Variants in CUBN observed in about 807,000 individuals in gnomAD.
The protein encoded by CUBN is cubilin, also known as 460 kDa receptor.
Under a neutral mutation model 405.3 loss-of-function variants are expected in CUBN, and 282 were observed. The ratio of observed to expected loss-of-function variants is 0.70; its 90% CI spans 0.63 to 0.77. The LOEUF is 0.77. Among genes scored for constraint, CUBN ranks in the 30% least tolerant of loss-of-function variants. The pLI is 0.00. For synonymous variants in CUBN, 1,684 were observed against 1,617.0 expected, an observed-to-expected ratio of 1.04 and a Z score of -0.99; for missense variants, 4,514 against 4,475.2, an observed-to-expected ratio of 1.01 and a Z score of -0.25.
chr10:16,967,795 C>T (rs78044804), intron 31 of CUBN, among the ~76,000 whole-genome samples: 8,496 of 113,182 alleles, frequency 0.075, 350 homozygotes, highest in Non-Finnish European at 0.11. Context: ...GAAGGAGAGA[C>T]GGAGAGAGAA....
At chr10:16,999,713 T>C (rs1833827667) in intron 28 of CUBN, among the ~76,000 whole-genome samples, 1 of 152,222 alleles carries the variant, frequency 6.6e-6, no homozygotes, top group South Asian at 2.1e-4. Flanking sequence ...ATGTTCTCTG[T>C]AGGCAGTTTC....
chr10:16,876,350 A>G (rs1840499217), intron 57 of CUBN, among the ~76,000 whole-genome samples: 2 of 152,174 alleles, frequency 1.3e-5, no homozygotes, highest in African/African-American at 4.8e-5. Context: ...TGTCCAGTCT[A>G]TTGCTCCTCT....
intron 46 of CUBN, among the ~76,000 whole-genome samples, chr10:16,915,463 C>T (rs191300731): frequency 7.0e-4 from 106 of 152,248 alleles, no homozygotes; most frequent in African/African-American, 2.2e-3. Context: ...CAAGTATCTG[C>T]CTTATGCTAC....
chr10:16,882,132 T>G (rs1045612431), intron 56 of CUBN, among the ~76,000 whole-genome samples: 1 of 152,140 alleles, frequency 6.6e-6, no homozygotes, highest in Non-Finnish European at 1.5e-5. Context: ...AAGATGGATA[T>G]CACAGTTGAG....
intron 33 of CUBN, among the ~76,000 whole-genome samples, chr10:16,951,665 C>T (rs1208733795): frequency 1.3e-5 from 2 of 152,088 alleles, no homozygotes; most frequent in East Asian, 3.9e-4. Context: ...GGACTGTTAC[C>T]AGGTCAGAAA....
intron 41 of CUBN, 108 bp from the exon 42 acceptor site, chr10:16,925,882 C>T: frequency 1.0e-6 from 1 of 958,726 alleles, no homozygotes; most frequent in Non-Finnish European, 1.7e-6. Context: ...AATAAAAATG[C>T]TTGAAAATAA....
At chr10:16,946,571 C>G (rs1842789768) in intron 36 of CUBN, among the ~76,000 whole-genome samples, 1 of 150,006 alleles carries the variant, frequency 6.7e-6, no homozygotes, top group Admixed American at 6.7e-5. Flanking sequence ...TCTCAGTGCA[C>G]CACAACCTCC....
intron 14 of CUBN, among the ~76,000 whole-genome samples, chr10:17,095,468 G>A (rs1836352723): frequency 6.6e-6 from 1 of 151,922 alleles, no homozygotes; most frequent in Non-Finnish European, 1.5e-5. Flanking sequence ...TTTCTGAATA[G>A]AAAACATATA....
At chr10:17,079,246 T>TC (rs1042667053) in intron 17 of CUBN, among the ~76,000 whole-genome samples, 3 of 150,638 alleles carry the variant, frequency 2.0e-5, no homozygotes, top group African/African-American at 7.3e-5. Flanking sequence ...TTTTTTTTTT[T>TC]TTTTTTTTAG....
chr10:16,918,843 G>A, intron 44 of CUBN, 43 bp from the exon 45 acceptor site: 2 of 1,547,720 alleles, frequency 1.3e-6, no homozygotes, highest in South Asian at 1.1e-5. Flanking sequence ...ATGGTCAGAT[G>A]CTTATTTTGA....
Position 16,947,303 on chromosome 10 carries a change from A to G in CUBN, c.5274T>C (p.Tyr1758=). The G allele has an allele frequency of 3.1e-6, 5 of 1,614,054 alleles. No homozygotes were observed. Among genetic ancestry groups the G allele is most frequent in the Non-Finnish European group, 4.2e-6 (5 of 1,179,916 alleles). Reference sequence around the variant, plus strand: ...TCCAGACACATTCCACATTAGGGGGATAAATGTCTGGGTAGCCAGGGCTGT... The same window carrying G: ...TCCAGACACATTCCACATTAGGGGGGTAAATGTCTGGGTAGCCAGGGCTGT... ...IFNSPGYPDI[Y]PPNVECVWNI... Residue 1758 remains tyrosine, a synonymous_variant, in exon 36 of 67, where the codon TAT becomes TAC. Coordinates refer to ENST00000377833, the MANE Select transcript of CUBN (RefSeq NM_001081.4).
Position 16,888,531 on chromosome 10 carries a change from T to A in CUBN, c.8791A>T (p.Ile2931Phe). 2 of 1,613,766 alleles carry A rather than the reference T, an allele frequency of 1.2e-6. No individual in the cohort carries two copies. The highest frequency in any genetic ancestry group is 2.2e-5 in the South Asian group (2 of 91,074). Residue 2931 changes from isoleucine (I) to phenylalanine (F), a missense_variant, in exon 56 of 67, where the codon ATC (isoleucine) becomes TTC (phenylalanine). This residue lies in a region of CUBN where 1,186 missense variants were observed against 1,186.9 expected (regional missense o/e 1.00). Coordinates refer to ENST00000377833, the MANE Select transcript of CUBN (RefSeq NM_001081.4). ...TGTTTTGGGTAATTTGGAGAAATGATGTAACCTGAAGGGCCAGTGAAATTA... is the reference window on the plus strand; with the variant it reads ...TGTTTTGGGTAATTTGGAGAAATGAAGTAACCTGAAGGGCCAGTGAAATTA... ...GSNFTGPSGYIISPNYPKQYD... is the reference protein window; with the variant it reads ...GSNFTGPSGYFISPNYPKQYD...
chr10:16,988,855 T>C (rs2942366), intron 29 of CUBN, among the ~76,000 whole-genome samples: 66,830 of 152,004 alleles, frequency 0.44, 16,399 homozygotes, highest in Non-Finnish European at 0.55. Context: ...AGCCCATTAA[T>C]CTTTTTGAGC....
chr10:16,924,572 T>C (rs1468534571), intron 43 of CUBN, among the ~76,000 whole-genome samples: 3 of 152,126 alleles, frequency 2.0e-5, no homozygotes, highest in Non-Finnish European at 4.4e-5. Flanking sequence ...ATTATCTAAC[T>C]TCTGGTGGGA....
chr10:16,952,821 T>C (rs962685477), intron 32 of CUBN, among the ~76,000 whole-genome samples: 5 of 152,144 alleles, frequency 3.3e-5, no homozygotes, highest in Non-Finnish European at 7.4e-5. Context: ...CAAAATTCGA[T>C]GTGAGTCTTG....
In CUBN at chr10:16,831,320, AG is replaced by A. The variant is rs1274973836; in HGVS notation, c.10459del (p.Leu3487TyrfsTer8). On this transcript the variant is annotated frameshift_variant, in exon 65 of 67. Transcript: ENST00000377833. LOFTEE classifies it high-confidence loss of function. ...AGTTACACTATCACTCTTAAATCGTAGGTATAGTTCATTATTTTGAGAGAAG... is the reference window on the plus strand; with the variant it reads ...AGTTACACTATCACTCTTAAATCGTAGTATAGTTCATTATTTTGAGAGAAG... Reference protein sequence around the residue: ...PVFSQNNELYLRFKSDSVTSD... With the variant: ...PVFSQNNELYXRFKSDSVTSD... 6.2e-7 allele frequency: 1 copy of A among 1,613,988 alleles called. No individual in the cohort carries two copies.
intron 56 of CUBN, among the ~76,000 whole-genome samples, chr10:16,878,083 T>C (rs1840564052): frequency 1.3e-5 from 2 of 152,186 alleles, no homozygotes; most frequent in Admixed American, 1.3e-4. Context: ...AGTTCAGGAA[T>C]TCGAGGCCAG....
intron 31 of CUBN, among the ~76,000 whole-genome samples, chr10:16,960,990 G>A (rs1196476376): frequency 6.6e-6 from 1 of 152,140 alleles, no homozygotes; most frequent in Non-Finnish European, 1.5e-5. Context: ...ATATATTATG[G>A]TGCTATCAAG....
chr10:16,898,991 C>T lies in CUBN; in HGVS notation c.8598+5G>A, dbSNP rs780227274. 2 of 1,598,740 alleles carry T rather than the reference C, an allele frequency of 1.3e-6. No individual in the cohort carries two copies. Among genetic ancestry groups the T allele is most frequent in the Non-Finnish European group, 1.7e-6 (2 of 1,165,912 alleles). ...GGCTCCAATTAAATGAACAAGTGTA[C>T]TAACCTTCACGAAGCTATTCTGACA... On this transcript the variant is annotated splice_donor_5th_base_variant and intron_variant, in intron 54 of 66. Transcript: ENST00000377833.
Sources: allele counts gnomAD v4.1 joint callset (sites outside exome capture counted in the v4.1 genomes callset), GRCh38; gene constraint gnomAD v4.1.1; regional missense constraint gnomAD v4.1.1; transcripts MANE v1.5; gene names NCBI Gene and HGNC (gene_info 2026-07-23, HGNC 2026-07-21).